THSD4: variants seen among roughly 807,000 people sequenced by gnomAD.
The protein encoded by THSD4 is thrombospondin type 1 domain containing 4, also known as thrombospondin type-1 domain-containing protein 4.
In THSD4, 69 loss-of-function variants were observed where a neutral mutation model predicts 119.0. That is an observed-to-expected ratio of 0.58 (90% CI 0.48 to 0.71). The LOEUF is 0.71. THSD4 is among the 30% of genes least tolerant of loss of function. THSD4 has a pLI of 0.00. For synonymous variants in THSD4, 524 were observed against 540.4 expected (o/e 0.97, Z 0.42); for missense variants, 1,393 against 1,391.1 (o/e 1.00, Z -0.02).
At chr15:71,743,704 T>A (rs2053279368) in intron 11 of THSD4, among the ~76,000 whole-genome samples, 1 of 152,248 alleles carries the variant, frequency 6.6e-6, no homozygotes. Context: ...CAGGGTAATT[T>A]AAACAAATGA....
chr15:71,501,425 T>A (rs1228951474), intron 7 of THSD4, among the ~76,000 whole-genome samples: 2 of 152,146 alleles, frequency 1.3e-5, no homozygotes, highest in African/African-American at 4.8e-5. Context: ...CTCAAGTGGG[T>A]TTATCTGATT....
chr15:71,452,387 G>A (rs532385742), intron 7 of THSD4, among the ~76,000 whole-genome samples: 1 of 151,884 alleles, frequency 6.6e-6, no homozygotes, highest in Non-Finnish European at 1.5e-5. Flanking sequence ...GGCTGGGTAT[G>A]GGGGAGGCTG....
rs1282405760 is a variant in THSD4, at chr15:71,465,674, C to T, written c.1152+53851C>T. Among the ~76,000 whole-genome samples the T allele has an allele frequency of 2.6e-5, 4 of 152,184 alleles. No homozygotes were observed. In the South Asian group the frequency reaches 6.2e-4, roughly 24 times the overall value. On this transcript the variant is annotated intron_variant, in intron 7 of 17. Transcript: ENST00000261862. ...AAGCAAACCTCGTCTGTTGCATTGT[C>T]GGTATTCATCTCCCCTGTTGGGAAA... is the stretch of plus-strand genomic sequence containing the variant.
chr15:71,148,692 TAC>T (rs2040689538), intron 2 of THSD4, among the ~76,000 whole-genome samples: 1 of 152,180 alleles, frequency 6.6e-6, no homozygotes, highest in Admixed American at 6.5e-5. Context: ...CCCCACCTCA[TAC>T]AGAGTGAGGA....
intron 7 of THSD4, among the ~76,000 whole-genome samples, chr15:71,647,577 CAGAG>C (rs781688983): frequency 1.3e-4 from 20 of 152,206 alleles, no homozygotes; most frequent in African/African-American, 4.6e-4. Flanking sequence ...ATTCTGGTCT[CAGAG>C]AGCAAGCTCT....
At chr15:71,511,492 C>T (rs1021259050) in intron 7 of THSD4, among the ~76,000 whole-genome samples, 9 of 152,204 alleles carry the variant, frequency 5.9e-5, no homozygotes, top group Non-Finnish European at 1.5e-5. Context: ...AAAAGATTTA[C>T]TTTCACTACA....
chr15:71,519,164 A>G (rs1175920189), intron 7 of THSD4, among the ~76,000 whole-genome samples: 1 of 152,064 alleles, frequency 6.6e-6, no homozygotes, highest in Non-Finnish European at 1.5e-5. Flanking sequence ...GGCAGAGGAA[A>G]CAGCAAGCGC....
At chr15:71,256,421 G>T (rs998405250) in intron 5 of THSD4, among the ~76,000 whole-genome samples, 192 bp from the exon 6 acceptor site, 1 of 151,412 alleles carries the variant, frequency 6.6e-6, no homozygotes, top group South Asian at 2.1e-4. Flanking sequence ...GTTGCAGTGA[G>T]CCGAGATTGG....
chr15:71,660,314 C>T, intron 7 of THSD4: 1 of 573,914 alleles, frequency 1.7e-6, no homozygotes, highest in South Asian at 2.0e-5. Context: ...TAGTCTTTTT[C>T]CCAGTGTTAT....
chr15:71,749,733 A>ATTTATTTAT (rs1256003466), intron 14 of THSD4, among the ~76,000 whole-genome samples: 1 of 146,244 alleles, frequency 6.8e-6, no homozygotes, highest in African/African-American at 2.5e-5. Flanking sequence ...TTATTTATTT[A>ATTTATTTAT]TTTTGAGACC....
intron 7 of THSD4, among the ~76,000 whole-genome samples, chr15:71,440,768 C>T (rs1406851182): frequency 6.6e-6 from 1 of 152,084 alleles, no homozygotes; most frequent in Non-Finnish European, 1.5e-5. Flanking sequence ...GGCAATGCAC[C>T]AAAAAGGCCA....
At chr15:71,548,097 GTTT>G (rs11397800) in intron 7 of THSD4, among the ~76,000 whole-genome samples, 1 of 145,708 alleles carries the variant, frequency 6.9e-6, no homozygotes, top group Non-Finnish European at 1.5e-5. Context: ...GTTGGGTACA[GTTT>G]TTTTTTTTTT....
chr15:71,546,026 CTG>C (rs1362506278), intron 7 of THSD4, among the ~76,000 whole-genome samples: 2 of 152,172 alleles, frequency 1.3e-5, no homozygotes, highest in Non-Finnish European at 2.9e-5. Context: ...AAGAGAAAGC[CTG>C]TGTCTTTAGT....
chr15:71,660,584 G>A lies in THSD4; in HGVS notation c.1207G>A (p.Val403Met), dbSNP rs766265611. ...GSDKVVDKCG[V>M]CGGDNTGCQV... ...CGACAAAGTCGTGGACAAATGTGGG[G>A]TGTGTGGAGGAGACAACACGGGCTG... Residue 403 changes from valine to methionine, a missense_variant, in exon 8 of 18, where the codon GTG becomes ATG. Val to Met is a conservative substitution (Grantham distance 21). Coordinates refer to ENST00000261862, the MANE Select transcript of THSD4 (RefSeq NM_024817.3). 74 of 1,614,046 alleles carry A rather than the reference G, an allele frequency of 4.6e-5. No homozygotes were observed. The highest frequency in any genetic ancestry group is 6.0e-5 in the Non-Finnish European group (71 of 1,180,036).
intron 5 of THSD4, among the ~76,000 whole-genome samples, chr15:71,254,032 A>G (rs1184650330): frequency 6.6e-6 from 1 of 152,230 alleles, no homozygotes; most frequent in Non-Finnish European, 1.5e-5. Flanking sequence ...GGGGTTAAGC[A>G]GACTGTTAAG....
chr15:71,700,275 C>T (rs1485062834), intron 8 of THSD4, among the ~76,000 whole-genome samples: 1 of 152,090 alleles, frequency 6.6e-6, no homozygotes, highest in Non-Finnish European at 1.5e-5. Context: ...AACTCAATAG[C>T]TTTCCTATAT....
chr15:71,407,423 T>G (rs2046623449), intron 6 of THSD4, among the ~76,000 whole-genome samples: 1 of 152,196 alleles, frequency 6.6e-6, no homozygotes, highest in African/African-American at 2.4e-5. Flanking sequence ...TTCTATTTTC[T>G]TTTTCTTTTG....
intron 3 of THSD4, among the ~76,000 whole-genome samples, chr15:71,181,376 A>G (rs2043524589): frequency 6.6e-6 from 1 of 152,222 alleles, no homozygotes; most frequent in South Asian, 2.1e-4. Flanking sequence ...TTCTATTAAA[A>G]ATGGAGCAAT....
chr15:71,688,299 G>C (rs2051961085), intron 8 of THSD4, among the ~76,000 whole-genome samples: 1 of 152,130 alleles, frequency 6.6e-6, no homozygotes, highest in South Asian at 2.1e-4. Context: ...TTTCCTTTCA[G>C]CCTTTAAGAG....
Sources: allele counts gnomAD v4.1 joint callset (sites outside exome capture counted in the v4.1 genomes callset), GRCh38; gene constraint gnomAD v4.1.1; transcripts MANE v1.5; gene names NCBI Gene and HGNC (gene_info 2026-07-23, HGNC 2026-07-21).